KMT2C: variants seen among roughly 807,000 people sequenced by gnomAD.
The protein encoded by KMT2C is histone-lysine N-methyltransferase 2C.
KMT2C carries 88 observed loss-of-function variants against 507.9 expected under a neutral mutation model. The observed-to-expected ratio is 0.17, with a 90% CI of 0.15 to 0.21. KMT2C has a LOEUF of 0.21. Among genes scored for constraint, KMT2C ranks in the 10% least tolerant of loss-of-function variants. The probability of loss-of-function intolerance (pLI) is 1.00; values close to 1 mark genes in which losing one functional copy is unlikely to be tolerated. For synonymous variants in KMT2C, 2,049 were observed against 2,080.8 expected, an observed-to-expected ratio of 0.98 and a Z score of 0.42; for missense variants, 4,954 against 5,957.8, an observed-to-expected ratio of 0.83 and a Z score of 5.55.
At chr7:152,179,667 G>A (rs376386008) in intron 37 of KMT2C, among the ~76,000 whole-genome samples, 167 bp downstream of exon 37, 9 of 143,910 alleles carry the variant, frequency 6.3e-5, no homozygotes, top group East Asian at 4.1e-4. Flanking sequence ...GTTGGGGGGG[G>A]GGGGGGGTGG....
intron 9 of KMT2C, among the ~76,000 whole-genome samples, chr7:152,255,155 A>ATGTGTGTGTG (rs1161159119): frequency 7.3e-6 from 1 of 137,466 alleles, no homozygotes; most frequent in South Asian, 2.3e-4. Context: ...ACATATATAT[A>ATGTGTGTGTG]TATGTGTGTG....
At chr7:152,325,145 T>C (rs1324315702) in intron 3 of KMT2C, among the ~76,000 whole-genome samples, 1 of 151,966 alleles carries the variant, frequency 6.6e-6, no homozygotes, top group African/African-American at 2.4e-5. Flanking sequence ...GTGGTATTAA[T>C]CAATCCTTTT....
chr7:152,417,047 T>G, intron 1 of KMT2C, among the ~76,000 whole-genome samples: 1 of 68,368 alleles, frequency 1.5e-5, no homozygotes, highest in East Asian at 4.8e-4. Context: ...AGACATCATC[T>G]CAAAAAAAAA....
intron 14 of KMT2C, among the ~76,000 whole-genome samples, chr7:152,246,821 C>G (rs571296485): frequency 2.6e-5 from 4 of 152,188 alleles, no homozygotes; most frequent in African/African-American, 9.6e-5. Context: ...TTTTACTGCA[C>G]ACGTCTTTTG....
intron 24 of KMT2C, among the ~76,000 whole-genome samples, chr7:152,205,759 C>T (rs1313580402): frequency 6.6e-6 from 1 of 152,172 alleles, no homozygotes; most frequent in Non-Finnish European, 1.5e-5. Context: ...GCTATACCAT[C>T]TAGGTTTGTG....
chr7:152,425,169 C>G (rs1215295585), intron 1 of KMT2C, among the ~76,000 whole-genome samples: 3 of 152,184 alleles, frequency 2.0e-5, no homozygotes, highest in African/African-American at 7.2e-5. Flanking sequence ...ATTCCATAAT[C>G]TCTCTGGGGC....
chr7:152,378,943 G>A (rs1013085272), intron 1 of KMT2C, among the ~76,000 whole-genome samples: 5 of 152,102 alleles, frequency 3.3e-5, no homozygotes, highest in Non-Finnish European at 5.9e-5. Flanking sequence ...GGAATCAAAT[G>A]AAATGAAATA....
intron 6 of KMT2C, among the ~76,000 whole-genome samples, chr7:152,290,282 ATATATATATATATTTTTTTTTTTTTTT>A (rs2096398965): frequency 1.2e-3 from 38 of 32,894 alleles, no homozygotes; most frequent in African/African-American, 4.9e-3. Context: ...ATATATATAT[ATATATATATATATTTTTTTTTTTTTTT>A]TTTTTTTTTT....
intron 51 of KMT2C, 56 bp from the exon 52 acceptor site, chr7:152,149,208 A>G: frequency 7.0e-7 from 1 of 1,436,338 alleles, no homozygotes; most frequent in East Asian, 2.4e-5. Flanking sequence ...CCCGGAAAGC[A>G]ATTCTTGTTA....
intron 2 of KMT2C, among the ~76,000 whole-genome samples, chr7:152,336,851 G>C (rs187098435): frequency 4.5e-4 from 68 of 152,170 alleles, no homozygotes; most frequent in African/African-American, 1.6e-3. Context: ...AATGACACTT[G>C]GTCACAAAAT....
At chr7:152,185,460 T>A in intron 34 of KMT2C, 98 bp downstream of exon 34, 1 of 868,394 alleles carries the variant, frequency 1.2e-6, no homozygotes, top group Non-Finnish European at 1.8e-6. Flanking sequence ...CTAACAAGCA[T>A]TTTCTGAAAT....
intron 1 of KMT2C, among the ~76,000 whole-genome samples, chr7:152,394,008 A>C (rs1429927676): frequency 6.6e-6 from 1 of 152,194 alleles, no homozygotes; most frequent in Non-Finnish European, 1.5e-5. Flanking sequence ...TGGTCATTGA[A>C]CCTGGTGTGA....
At chr7:152,139,641 G>T in intron 56 of KMT2C, 34 bp downstream of exon 56, 2 of 1,353,370 alleles carry the variant, frequency 1.5e-6, no homozygotes, top group Non-Finnish European at 2.1e-6. Context: ...GGATGATGGT[G>T]CTGTGTATAC....
chr7:152,334,164 T>C (rs575005369), intron 2 of KMT2C, among the ~76,000 whole-genome samples: 23 of 152,094 alleles, frequency 1.5e-4, no homozygotes, highest in South Asian at 4.2e-4. Flanking sequence ...CTGTAGAACG[T>C]AGACAAAGGG....
chr7:152,181,326 G>A lies in KMT2C; in HGVS notation c.6534C>T (p.Pro2178=). The change falls in exon 36 of 59, where the codon CCC becomes CCT. Residue 2178 remains proline, a synonymous_variant. Coordinates refer to ENST00000262189, the MANE Select transcript of KMT2C (RefSeq NM_170606.3). ...TTTGTGTAGATGGTCTTGGGGTTTGGGGCTGCTGACTATATGGGTCAACAG... is the reference window on the plus strand; with the variant it reads ...TTTGTGTAGATGGTCTTGGGGTTTGAGGCTGCTGACTATATGGGTCAACAG... ...PTTVDPYSQQ[P]QTPRPSTQTD... 6.2e-7 allele frequency: 1 copy of A among 1,612,900 alleles called. No individual in the cohort carries two copies. The highest frequency in any genetic ancestry group is 8.5e-7 in the Non-Finnish European group (1 of 1,179,648).
intron 14 of KMT2C, among the ~76,000 whole-genome samples, chr7:152,241,766 A>G (rs556157478): frequency 5.9e-5 from 9 of 152,368 alleles, no homozygotes; most frequent in South Asian, 2.1e-4. Flanking sequence ...ATAGTTTAAT[A>G]TTATGTTGGC....
chr7:152,391,651 C>T (rs1205918586), intron 1 of KMT2C, among the ~76,000 whole-genome samples: 1 of 152,116 alleles, frequency 6.6e-6, no homozygotes, highest in Non-Finnish European at 1.5e-5. Flanking sequence ...ATTCTCCTAC[C>T]TCAGCCTCCT....
rs1563767704 is a variant in KMT2C, at chr7:152,297,059, G to GAAAGAAAGAAAGAC, written c.849+12906_849+12907insGTCTTTCTTTCTTT. On this transcript the variant is annotated intron_variant, in intron 6 of 58. Transcript: ENST00000262189. ...AAAGAAAGAAAGAAAGAAAGACAGA[G>GAAAGAAAGAAAGAC]AGAGAGAGAGAGAGAGAGAGAGAGA... Among the ~76,000 whole-genome samples, 165 of 64,304 alleles carry GAAAGAAAGAAAGAC rather than the reference G, an allele frequency of 2.6e-3. 1 individual carries two copies. The highest frequency in any genetic ancestry group is 7.7e-3 in the Middle Eastern group (1 of 130). 42.2% of individuals were successfully genotyped at this position (64,304 alleles called of 152,430 possible). A position where few individuals can be genotyped will look rare whatever the true frequency, so the allele number is the denominator to read the frequency against.
At chr7:152,303,578 C>A (rs1377668823) in intron 6 of KMT2C, among the ~76,000 whole-genome samples, 1 of 152,228 alleles carries the variant, frequency 6.6e-6, no homozygotes, top group Non-Finnish European at 1.5e-5. Context: ...TTTCCTCACT[C>A]TCATGGTGCT....
Sources: gnomAD v4.1 joint callset for allele counts (sites outside exome capture counted in the v4.1 genomes callset) on GRCh38, gnomAD v4.1.1 for gene constraint, MANE v1.5 for transcripts, NCBI Gene and HGNC (gene_info 2026-07-23, HGNC 2026-07-21) for gene names.